The following ROBO1 variants were observed in gnomAD, a reference collection of about 807,000 sequenced individuals.
ROBO1 encodes the protein roundabout homolog 1.
In ROBO1, 149 loss-of-function variants were observed where a neutral mutation model predicts 195.9. The observed-to-expected ratio is 0.76, with a 90% CI of 0.67 to 0.87. ROBO1 has a LOEUF of 0.87. ROBO1 is among the 40% of genes least tolerant of loss of function. The pLI, the probability that ROBO1 is intolerant of heterozygous loss-of-function variation, is 0.00. For missense variants in ROBO1, 1,933 were observed against 2,068.3 expected (o/e 0.93, Z 1.27); for synonymous variants, 816 against 733.2 (o/e 1.11, Z -1.82).
At chr3:78,704,164 G>C (rs559482719) in intron 8 of ROBO1, among the ~76,000 whole-genome samples, 1 of 152,176 alleles carries the variant, frequency 6.6e-6, no homozygotes, top group African/African-American at 2.4e-5. Context: ...AAATAACCAC[G>C]TTAATGGTCA....
At chr3:78,943,001 T>C (rs1356509360) in intron 3 of ROBO1, among the ~76,000 whole-genome samples, 1 of 151,794 alleles carries the variant, frequency 6.6e-6, no homozygotes, top group East Asian at 1.9e-4. Flanking sequence ...GATCACCAGG[T>C]CAGGAGATGG....
At chr3:79,657,546 T>C (rs1461876999) in intron 1 of ROBO1, among the ~76,000 whole-genome samples, 1 of 152,022 alleles carries the variant, frequency 6.6e-6, no homozygotes, top group Non-Finnish European at 1.5e-5. Flanking sequence ...GGGAAATATA[T>C]AAAAATTAAT....
intron 2 of ROBO1, among the ~76,000 whole-genome samples, chr3:79,410,175 T>C (rs1196060514): frequency 6.6e-6 from 1 of 152,312 alleles, no homozygotes; most frequent in African/African-American, 2.4e-5. Flanking sequence ...ATCAGTTTCC[T>C]CATCTTTAAA....
At chr3:79,672,887 C>G (rs1946671216) in intron 1 of ROBO1, among the ~76,000 whole-genome samples, 1 of 151,924 alleles carries the variant, frequency 6.6e-6, no homozygotes, top group Non-Finnish European at 1.5e-5. Context: ...TCATATTCAA[C>G]AGCATGTGGA....
At chr3:78,778,412 C>G (rs1389053441) in intron 4 of ROBO1, among the ~76,000 whole-genome samples, 1 of 152,048 alleles carries the variant, frequency 6.6e-6, no homozygotes, top group Non-Finnish European at 1.5e-5. Flanking sequence ...GGGAATGGTA[C>G]CAGCTCCTCT....
chr3:79,605,829 C>T (rs935513804), intron 1 of ROBO1, among the ~76,000 whole-genome samples: 8 of 151,802 alleles, frequency 5.3e-5, no homozygotes, highest in Non-Finnish European at 8.8e-5. Context: ...TGACAATTGT[C>T]GCCTAACCAG....
In ROBO1 at chr3:78,786,851, A is replaced by C. The variant is rs527416305; in HGVS notation, c.500-39951T>G. ...TCAGGTATTTCTTCATAGCAGTATG[A>C]AAATGGACTAATACATCATTTTACC... On this transcript the variant is annotated intron_variant, in intron 4 of 30. Coordinates refer to ENST00000464233, the MANE Select transcript of ROBO1 (RefSeq NM_002941.4). 4.6e-5 allele frequency among the ~76,000 whole-genome samples: 7 copies of C among 152,320 alleles called. No individual in the cohort carries two copies. The East Asian group carries it at 1.3e-3, about 29-fold the overall frequency.
chr3:79,714,764 C>T (rs62257292), intron 1 of ROBO1, among the ~76,000 whole-genome samples: 37,229 of 149,306 alleles, frequency 0.25, 4,943 homozygotes, highest in African/African-American at 0.33. Flanking sequence ...AACCAAACAA[C>T]GCATGTTCTC....
intron 26 of ROBO1, among the ~76,000 whole-genome samples, chr3:78,620,067 A>AT (rs1704364959): frequency 1.3e-5 from 2 of 151,898 alleles, no homozygotes; most frequent in Admixed American, 1.3e-4. Context: ...ATAGAACTAG[A>AT]TTTTAACAGC....
rs552128313 is a variant in ROBO1, at chr3:78,739,596, C to T, written c.657+7147G>A. Among the ~76,000 whole-genome samples, 7 of 152,162 alleles carry T rather than the reference C, an allele frequency of 4.6e-5. No homozygotes were observed. In the South Asian group the frequency reaches 8.3e-4, roughly 18 times the overall value. ...ACCTCTACTATCTTTTTAGGTAAGACTTCTAGTCTTCAGAATAAATAATTT... is the reference window on the plus strand; with the variant it reads ...ACCTCTACTATCTTTTTAGGTAAGATTTCTAGTCTTCAGAATAAATAATTT... On this transcript the variant is annotated intron_variant, in intron 5 of 30. Coordinates refer to ENST00000464233, the MANE Select transcript of ROBO1 (RefSeq NM_002941.4).
At chr3:79,087,572 T>C (rs1271909222) in intron 3 of ROBO1, among the ~76,000 whole-genome samples, 1 of 151,754 alleles carries the variant, frequency 6.6e-6, no homozygotes, top group Non-Finnish European at 1.5e-5. Flanking sequence ...CATTTCTTTG[T>C]TCCTTCCTTC....
In ROBO1 at chr3:79,135,045, A is replaced by AT. The variant is rs1406324260; in HGVS notation, c.89-9507_89-9506insA. On this transcript the variant is annotated intron_variant, in intron 2 of 30. Coordinates refer to ENST00000464233, the MANE Select transcript of ROBO1 (RefSeq NM_002941.4). ...CTAAAACTTAGAGTATAATAAAAAA[A>AT]AACATTAAAAAAAAAATTGAGTGTC... 1.7e-4 allele frequency among the ~76,000 whole-genome samples: 12 copies of AT among 72,234 alleles called. No homozygotes were observed. In the East Asian group the frequency reaches 5.3e-3, roughly 32 times the overall value. 47.4% of individuals were successfully genotyped at this position (72,234 alleles called of 152,430 possible).
chr3:79,370,964 G>A (rs1057433961), intron 2 of ROBO1, among the ~76,000 whole-genome samples: 3 of 151,850 alleles, frequency 2.0e-5, no homozygotes, highest in African/African-American at 7.3e-5. Flanking sequence ...GGGTTAGTTT[G>A]CTGAGAAGGA....
rs191172128 is a variant in ROBO1, at chr3:79,455,394, T to A, written c.88+134430A>T. ...ATAGGACAAGAAATTTGCCTTTTTT[T>A]AAAAAAAGAAGTTAAATGTCATAAT... is the stretch of plus-strand genomic sequence containing the variant. On this transcript the variant is annotated intron_variant, in intron 2 of 30. Coordinates refer to ENST00000464233, the MANE Select transcript of ROBO1 (RefSeq NM_002941.4). Among the ~76,000 whole-genome samples, 323 of 152,136 alleles carry A rather than the reference T, an allele frequency of 2.1e-3. 3 individuals carry two copies. The highest frequency in any genetic ancestry group is 0.019 in the Admixed American group (291 of 15,260).
At chr3:79,434,581 G>A (rs1375749641) in intron 2 of ROBO1, among the ~76,000 whole-genome samples, 1 of 152,124 alleles carries the variant, frequency 6.6e-6, no homozygotes, top group African/African-American at 2.4e-5. Context: ...CGGAGAGGAT[G>A]TGGAGAAATA....
At chr3:79,367,066 A>C (rs1253179672) in intron 2 of ROBO1, among the ~76,000 whole-genome samples, 3 of 152,208 alleles carry the variant, frequency 2.0e-5, no homozygotes, top group African/African-American at 2.4e-5. Flanking sequence ...CATTATAATT[A>C]TTTAATCTAC....
intron 2 of ROBO1, among the ~76,000 whole-genome samples, chr3:79,551,732 A>G (rs1942519135): frequency 6.6e-6 from 1 of 152,004 alleles, no homozygotes; most frequent in Admixed American, 6.6e-5. Context: ...GTGGTACTTC[A>G]TCATGTCATT....
chr3:79,102,601 G>A (rs2079698311), intron 3 of ROBO1, among the ~76,000 whole-genome samples: 1 of 151,756 alleles, frequency 6.6e-6, no homozygotes. Context: ...TTGGAAGCAT[G>A]GCAGTTATAA....
intron 4 of ROBO1, among the ~76,000 whole-genome samples, chr3:78,871,795 A>G (rs1341627033): frequency 6.6e-6 from 1 of 151,908 alleles, no homozygotes. Context: ...GTTTTATAAA[A>G]AAGTAACCAA....
Sources: allele counts gnomAD v4.1 joint callset (sites outside exome capture counted in the v4.1 genomes callset), GRCh38; gene constraint gnomAD v4.1.1; transcripts MANE v1.5; gene names NCBI Gene and HGNC (gene_info 2026-07-23, HGNC 2026-07-21).